Variants in HK2 observed in about 807,000 individuals in gnomAD.
The protein encoded by HK2 is hexokinase-2.
A neutral mutation model predicts 92.9 loss-of-function variants in HK2; 42 were observed. The ratio of observed to expected loss-of-function variants is 0.45; its 90% CI spans 0.35 to 0.58. The LOEUF (loss-of-function observed/expected upper bound fraction) is 0.58, where lower values mean the gene tolerates loss of function less well. Among genes scored for constraint, HK2 ranks in the 20% least tolerant of loss-of-function variants. The pLI is 0.00. For missense variants in HK2, 978 were observed against 1,245.1 expected (o/e 0.79, Z 3.23); for synonymous variants, 422 against 468.0 (o/e 0.90, Z 1.27).
At chr2:74,871,184 G>A (rs1029408810) in intron 3 of HK2, among the ~76,000 whole-genome samples, 3 of 152,208 alleles carry the variant, frequency 2.0e-5, no homozygotes, top group African/African-American at 4.8e-5. Context: ...CTGTGGGGGC[G>A]GGCCTAGACC....
chr2:74,863,480 G>A (rs1688878447), intron 2 of HK2, among the ~76,000 whole-genome samples: 1 of 152,198 alleles, frequency 6.6e-6, no homozygotes, highest in Non-Finnish European at 1.5e-5. Flanking sequence ...GGCCGGCATT[G>A]CATTGTAATG....
chr2:74,869,399 C>G (rs1689040639), intron 3 of HK2, among the ~76,000 whole-genome samples: 1 of 152,080 alleles, frequency 6.6e-6, no homozygotes, highest in African/African-American at 2.4e-5. Context: ...TTTTTTGGTA[C>G]TTGGTATCAG....
At chr2:74,879,754 A>C (rs1362399664) in intron 9 of HK2, among the ~76,000 whole-genome samples, 3 of 152,228 alleles carry the variant, frequency 2.0e-5, no homozygotes, top group Non-Finnish European at 2.9e-5. Flanking sequence ...AGCTGTGCAG[A>C]CACCTTTGGG....
At chr2:74,835,907 C>T (rs537527587) in intron 1 of HK2, among the ~76,000 whole-genome samples, 19 of 152,228 alleles carry the variant, frequency 1.2e-4, no homozygotes, top group African/African-American at 4.6e-4. Context: ...CTGGCGGTCC[C>T]GAGGGCATAG....
chr2:74,840,711 CAAAAA>C (rs34885061), intron 1 of HK2, among the ~76,000 whole-genome samples: 1,831 of 129,190 alleles, frequency 0.014, 40 homozygotes, highest in African/African-American at 0.052. Context: ...ACTAAAAATA[CAAAAA>C]AAAAAAAAAA....
chr2:74,885,710 C>G, intron 13 of HK2, 121 bp downstream of exon 13: 1 of 753,130 alleles, frequency 1.3e-6, no homozygotes, highest in Non-Finnish European at 2.4e-6. Context: ...AAGATTAACT[C>G]AAGCGTCGTT....
chr2:74,849,465 G>T (rs527649769), intron 1 of HK2, among the ~76,000 whole-genome samples: 6 of 152,328 alleles, frequency 3.9e-5, no homozygotes, highest in Non-Finnish European at 7.3e-5. Flanking sequence ...CCGTTCTTCA[G>T]CCAGGCTTTG....
chr2:74,859,237 A>G (rs1688760563), intron 2 of HK2, among the ~76,000 whole-genome samples: 1 of 152,234 alleles, frequency 6.6e-6, no homozygotes, highest in Non-Finnish European at 1.5e-5. Flanking sequence ...AAAGTATAGT[A>G]AATACTAATA....
In HK2 at chr2:74,881,829, G is replaced by A. The variant is rs769749367; in HGVS notation, c.1689G>A (p.Pro563=). 1.3e-5 allele frequency: 21 copies of A among 1,614,038 alleles called. No homozygotes were observed. Among genetic ancestry groups the A allele is most frequent in the South Asian group, 2.2e-5 (2 of 91,084 alleles). Residue 563 remains proline (P), a synonymous_variant, in exon 11 of 18, where the codon CCG becomes CCA. Transcript: ENST00000290573. The part of the protein sequence containing the change: ...VEMHNKIYAI[P]QEVMHGTGDE... ...TGCACAACAAGATCTACGCCATCCC[G>A]CAGGAGGTCATGCACGGCACCGGGG...
At chr2:74,888,679 G>A (rs753691421) in intron 16 of HK2, among the ~76,000 whole-genome samples, 1 of 152,232 alleles carries the variant, frequency 6.6e-6, no homozygotes, top group Non-Finnish European at 1.5e-5. Flanking sequence ...TGAATAGAAA[G>A]ATATATTCTA....
Position 74,834,539 on chromosome 2 carries a change from C to T in HK2, c.-42C>T, listed in dbSNP as rs760698270. ...GCCGCCCGCCTCCCCTCTCGCGTCT[C>T]CGCCTCGGTTTCCCAACTCTGCGCC... On this transcript the variant is annotated 5_prime_UTR_variant, in exon 1 of 18. Transcript: ENST00000290573. This position sits in a 1 kb window ranked among gnomAD's most constrained non-coding sequence, Gnocchi z 4.2. The T allele has an allele frequency of 6.2e-7, 1 of 1,608,718 alleles. No individual in the cohort carries two copies. The highest frequency in any genetic ancestry group is 1.1e-5 in the South Asian group (1 of 90,964).
At chr2:74,840,600 G>C (rs896543258) in intron 1 of HK2, among the ~76,000 whole-genome samples, 2 of 150,638 alleles carry the variant, frequency 1.3e-5, no homozygotes, top group Admixed American at 6.6e-5. Context: ...GGGCGCGGTG[G>C]CTCACGCCTG....
intron 1 of HK2, 108 bp from the exon 2 acceptor site, chr2:74,854,185 C>A: frequency 9.9e-7 from 1 of 1,012,730 alleles, no homozygotes; most frequent in Non-Finnish European, 1.6e-6. Flanking sequence ...ACTTTCTGTA[C>A]ATAACAGATT....
intron 6 of HK2, 126 bp from the exon 7 acceptor site, chr2:74,874,140 C>G: frequency 2.4e-6 from 3 of 1,228,222 alleles, no homozygotes; most frequent in Non-Finnish European, 1.2e-6. Flanking sequence ...TTGTGATGCC[C>G]CCAGAGTCTG....
intron 1 of HK2, among the ~76,000 whole-genome samples, chr2:74,839,330 A>C (rs976671068): frequency 6.6e-6 from 1 of 152,212 alleles, no homozygotes; most frequent in Admixed American, 6.5e-5. Flanking sequence ...ACCACGTGCC[A>C]TTAGTCCGCA....
At chr2:74,867,975 T>C (rs899162384) in intron 3 of HK2, 191 bp downstream of exon 3, 13 of 658,450 alleles carry the variant, frequency 2.0e-5, no homozygotes, top group East Asian at 1.7e-4. Flanking sequence ...ATACCCAACA[T>C]GTACTCAGTA....
chr2:74,871,205 C>T (rs1469840581), intron 3 of HK2, among the ~76,000 whole-genome samples: 1 of 152,204 alleles, frequency 6.6e-6, no homozygotes, highest in Non-Finnish European at 1.5e-5. Context: ...CTAGAATGTA[C>T]ATTTCTAACA....
At chr2:74,842,165 C>G (rs1460197381) in intron 1 of HK2, among the ~76,000 whole-genome samples, 1 of 152,212 alleles carries the variant, frequency 6.6e-6, no homozygotes, top group Non-Finnish European at 1.5e-5. Flanking sequence ...GTGTCAAGCT[C>G]TGAGAACTGT....
At position 74,889,276 on chromosome 2, in the gene HK2, A is replaced by T. The variant is rs1001037282; in HGVS notation, c.2407A>T (p.Ile803Phe). 1.1e-5 allele frequency: 17 copies of T among 1,614,154 alleles called. No individual in the cohort carries two copies. The highest frequency in any genetic ancestry group is 1.4e-5 in the Non-Finnish European group (16 of 1,180,000). ...CCTGGCCCTGCTGCAAGTCCGAGCCATCCTGCAACACTTAGGGCTTGAGAG... is the reference window on the plus strand; with the variant it reads ...CCTGGCCCTGCTGCAAGTCCGAGCCTTCCTGCAACACTTAGGGCTTGAGAG... ...DCLALLQVRAILQHLGLESTC... is the reference protein window; with the variant it reads ...DCLALLQVRAFLQHLGLESTC... The change falls in exon 17 of 18, where the codon ATC becomes TTC. Residue 803 changes from isoleucine to phenylalanine, a missense_variant. Coordinates refer to ENST00000290573, the MANE Select transcript of HK2 (RefSeq NM_000189.5).
Sources: gnomAD v4.1 joint callset for allele counts (sites outside exome capture counted in the v4.1 genomes callset) on GRCh38, gnomAD v4.1.1 for gene constraint, Gnocchi (gnomAD v3.1) non-coding constraint, MANE v1.5 for transcripts, NCBI Gene and HGNC (gene_info 2026-07-23, HGNC 2026-07-21) for gene names.